ZMAT4: variants seen among roughly 807,000 people sequenced by gnomAD.
ZMAT4 encodes the protein zinc finger matrin-type protein 4.
A neutral mutation model predicts 28.7 loss-of-function variants in ZMAT4; 17 were observed. That is an observed-to-expected ratio of 0.59 (90% confidence interval 0.41 to 0.89). The LOEUF is 0.89. ZMAT4 is among the 40% of genes least tolerant of loss of function. The probability of loss-of-function intolerance (pLI) is 0.00; values close to 1 mark genes in which losing one functional copy is unlikely to be tolerated. For missense variants in ZMAT4, 240 were observed against 283.8 expected, an observed-to-expected ratio of 0.85 and a Z score of 1.11; for synonymous variants, 117 against 109.2, an observed-to-expected ratio of 1.07 and a Z score of -0.44.
intron 1 of ZMAT4, among the ~76,000 whole-genome samples, chr8:40,855,374 C>T (rs747614042): frequency 6.6e-6 from 1 of 152,086 alleles, no homozygotes; most frequent in Non-Finnish European, 1.5e-5. Context: ...CCCTCTGGCT[C>T]TCTGTTGCTA....
At chr8:40,663,936 A>G (rs1808300475) in intron 5 of ZMAT4, among the ~76,000 whole-genome samples, 1 of 152,180 alleles carries the variant, frequency 6.6e-6, no homozygotes, top group Admixed American at 6.6e-5. Flanking sequence ...ATCAAAGTAC[A>G]TATTATTTGA....
intron 2 of ZMAT4, among the ~76,000 whole-genome samples, chr8:40,816,783 G>C (rs138034734): frequency 1.2e-4 from 19 of 152,238 alleles, no homozygotes; most frequent in African/African-American, 4.1e-4. Flanking sequence ...TTTAGTGTTT[G>C]GTCAAGTTTT....
chr8:40,705,393 AT>A (rs1810309256), intron 3 of ZMAT4, among the ~76,000 whole-genome samples: 1 of 152,144 alleles, frequency 6.6e-6, no homozygotes, highest in African/African-American at 2.4e-5. Context: ...CACAGCACTT[AT>A]TTCACAGTCT....
intron 1 of ZMAT4, among the ~76,000 whole-genome samples, chr8:40,870,030 C>T (rs1019995524): frequency 6.6e-6 from 1 of 152,252 alleles, no homozygotes; most frequent in Non-Finnish European, 1.5e-5. Flanking sequence ...ACTTCTATAG[C>T]ATATTTTGGG....
intron 5 of ZMAT4, among the ~76,000 whole-genome samples, chr8:40,593,749 T>C (rs986439097): frequency 1.8e-4 from 28 of 152,150 alleles, no homozygotes; most frequent in Admixed American, 4.6e-4. Context: ...TGTTAACATG[T>C]TTTATTAAAA....
In ZMAT4 at chr8:40,624,808, G is replaced by T. The variant is rs76445955; in HGVS notation, c.578-43547C>A. ...TTTCAGTCAGTCAGTCAACAAATAC[G>T]TACTCTGCACTTCCCACAGCCAGGC... On this transcript the variant is annotated intron_variant, in intron 5 of 6. Transcript: ENST00000297737. 7.2e-5 allele frequency among the ~76,000 whole-genome samples: 11 copies of T among 152,234 alleles called. No homozygotes were observed. The East Asian group carries it at 1.9e-3, about 27-fold the overall frequency.
At chr8:40,881,457 A>G (rs866784064) in intron 1 of ZMAT4, among the ~76,000 whole-genome samples, 3 of 143,402 alleles carry the variant, frequency 2.1e-5, no homozygotes, top group African/African-American at 5.4e-5. Context: ...GAAAGAAAGA[A>G]AGAAAGAAAG....
At chr8:40,728,892 T>C (rs1258400175) in intron 3 of ZMAT4, among the ~76,000 whole-genome samples, 4 of 152,174 alleles carry the variant, frequency 2.6e-5, no homozygotes, top group Non-Finnish European at 5.9e-5. Flanking sequence ...TTTCTCACCA[T>C]AGACTAGTTT....
At chr8:40,640,558 T>G (rs1462325311) in intron 5 of ZMAT4, among the ~76,000 whole-genome samples, 1 of 152,156 alleles carries the variant, frequency 6.6e-6, no homozygotes, top group Non-Finnish European at 1.5e-5. Context: ...ATTTTAAAGA[T>G]GTATCAGAAA....
chr8:40,678,063 G>T (rs958356624), intron 4 of ZMAT4, among the ~76,000 whole-genome samples: 3 of 152,106 alleles, frequency 2.0e-5, no homozygotes, highest in Non-Finnish European at 4.4e-5. Flanking sequence ...AGCCTGATTC[G>T]TGTTTCCAAA....
intron 1 of ZMAT4, among the ~76,000 whole-genome samples, chr8:40,854,211 T>C (rs1188530453): frequency 6.6e-6 from 1 of 152,170 alleles, no homozygotes; most frequent in Non-Finnish European, 1.5e-5. Flanking sequence ...TAGTAAACTA[T>C]ATCAGAGTCT....
chr8:40,579,173 A>T (rs1369692781), intron 6 of ZMAT4, among the ~76,000 whole-genome samples: 2 of 152,208 alleles, frequency 1.3e-5, no homozygotes, highest in Non-Finnish European at 2.9e-5. Context: ...TAGAGAAGAG[A>T]GACATTTTTC....
At chr8:40,698,710 C>G (rs1462265647) in intron 3 of ZMAT4, among the ~76,000 whole-genome samples, 4 of 152,122 alleles carry the variant, frequency 2.6e-5, no homozygotes, top group Non-Finnish European at 5.9e-5. Flanking sequence ...GAAATGAATT[C>G]CTTCCTCCTT....
rs180876156 is a variant in ZMAT4 at position 40,655,816 on chromosome 8, G to C, written c.577+18888C>G. Among the ~76,000 whole-genome samples the C allele has an allele frequency of 4.1e-4, 63 of 152,052 alleles. 1 individual carries two copies. The East Asian group carries it at 0.012, about 29-fold the overall frequency. On this transcript the variant is annotated intron_variant, in intron 5 of 6. Transcript: ENST00000297737. ...AAAAATTAAGCCAAAATGAATCAAAGACATAAATGTAAGAAGTAAAACTAT... is the reference window on the plus strand; with the variant it reads ...AAAAATTAAGCCAAAATGAATCAAACACATAAATGTAAGAAGTAAAACTAT...
chr8:40,558,080 G>A (rs1025188548), intron 6 of ZMAT4, among the ~76,000 whole-genome samples: 2 of 152,076 alleles, frequency 1.3e-5, no homozygotes, highest in African/African-American at 4.8e-5. Flanking sequence ...CGCCAGTTAG[G>A]CAGGAAAAAG....
chr8:40,705,935 G>A (rs1384208702), intron 3 of ZMAT4, among the ~76,000 whole-genome samples: 1 of 152,146 alleles, frequency 6.6e-6, no homozygotes, highest in Non-Finnish European at 1.5e-5. Flanking sequence ...CACACTGATA[G>A]CACATCTCAA....
chr8:40,677,648 T>C (rs1432778999), intron 4 of ZMAT4, among the ~76,000 whole-genome samples: 1 of 152,190 alleles, frequency 6.6e-6, no homozygotes, highest in East Asian at 1.9e-4. Flanking sequence ...GAGAGCAGTT[T>C]CCAGGTTTTA....
intron 5 of ZMAT4, among the ~76,000 whole-genome samples, chr8:40,609,792 C>T (rs1371390680): frequency 1.3e-5 from 2 of 152,090 alleles, no homozygotes; most frequent in Non-Finnish European, 2.9e-5. Flanking sequence ...TGAACCTTGG[C>T]TTTCCCCCAG....
intron 3 of ZMAT4, among the ~76,000 whole-genome samples, chr8:40,712,819 AG>A (rs1342990166): frequency 1.3e-5 from 2 of 152,186 alleles, no homozygotes; most frequent in African/African-American, 2.4e-5. Flanking sequence ...CCCCAGAAGC[AG>A]TGCATATCAA....
Sources: allele counts gnomAD v4.1 joint callset (sites outside exome capture counted in the v4.1 genomes callset), GRCh38; gene constraint gnomAD v4.1.1; transcripts MANE v1.5; gene names NCBI Gene and HGNC (gene_info 2026-07-23, HGNC 2026-07-21).